CCDC191: variants seen among roughly 807,000 people sequenced by gnomAD.
CCDC191 encodes the protein coiled-coil domain-containing protein 191.
Under a neutral mutation model 114.0 loss-of-function variants are expected in CCDC191, and 99 were observed. The ratio of observed to expected loss-of-function variants is 0.87; its 90% CI spans 0.74 to 1.03. The LOEUF is 1.03. Among genes scored for constraint, CCDC191 ranks in the 50% least tolerant of loss-of-function variants. CCDC191 has a pLI of 0.00. For synonymous variants in CCDC191, 351 were observed against 376.0 expected, an observed-to-expected ratio of 0.93 and a Z score of 0.77; for missense variants, 973 against 1,087.0, an observed-to-expected ratio of 0.90 and a Z score of 1.47.
chr3:113,984,514 T>C (rs1303548144), intron 13 of CCDC191: 1 of 152,174 alleles, frequency 6.6e-6, no homozygotes, highest in Non-Finnish European at 1.5e-5. Context: ...CAGAACTTGA[T>C]GGGTAAAAAG....
chr3:114,003,396 G>C, intron 11 of CCDC191: 1 of 985,176 alleles, frequency 1.0e-6, no homozygotes, highest in Non-Finnish European at 1.2e-6. Flanking sequence ...ATTTCTTACA[G>C]TTATTAAGTG....
intron 7 of CCDC191, among the ~76,000 whole-genome samples, chr3:114,026,745 T>C (rs1210101349): frequency 2.6e-5 from 4 of 152,200 alleles, no homozygotes; most frequent in South Asian, 2.1e-4. Context: ...TAGTTTGAGG[T>C]GGACTTTTGG....
chr3:113,973,041 C>G (rs1052927681), intron 16 of CCDC191, among the ~76,000 whole-genome samples: 1 of 151,988 alleles, frequency 6.6e-6, no homozygotes, highest in Non-Finnish European at 1.5e-5. Flanking sequence ...AGAACTGAGT[C>G]CATTTATATT....
chr3:114,036,484 C>T, intron 5 of CCDC191, 124 bp downstream of exon 5: 1 of 575,968 alleles, frequency 1.7e-6, no homozygotes, highest in South Asian at 5.5e-5. Context: ...TTTTATTCTC[C>T]CTAACCAAAC....
intron 13 of CCDC191, among the ~76,000 whole-genome samples, chr3:113,988,303 G>T (rs1228454657): frequency 6.6e-6 from 1 of 151,792 alleles, no homozygotes; most frequent in African/African-American, 2.4e-5. Context: ...AGACCAGCCT[G>T]GTCAAGATGG....
At chr3:113,966,759 TA>T (rs1051997737) in intron 16 of CCDC191, among the ~76,000 whole-genome samples, 1 of 152,082 alleles carries the variant, frequency 6.6e-6, no homozygotes, top group Admixed American at 6.6e-5. Flanking sequence ...GGCTGTTGGT[TA>T]ATATTTTTGA....
intron 2 of CCDC191, among the ~76,000 whole-genome samples, chr3:114,052,359 C>T (rs983018111): frequency 6.6e-6 from 1 of 152,114 alleles, no homozygotes; most frequent in Non-Finnish European, 1.5e-5. Flanking sequence ...AAATCTTTGC[C>T]TCTGAAGAGA....
intron 8 of CCDC191, 147 bp from the exon 9 acceptor site, chr3:114,011,168 G>C (rs1190690407): frequency 4.3e-6 from 4 of 919,662 alleles, no homozygotes; most frequent in Non-Finnish European, 6.4e-6. Flanking sequence ...AAATGAAATT[G>C]CTTTATAAAT....
At chr3:114,002,857 C>A in intron 11 of CCDC191, 1 of 975,978 alleles carries the variant, frequency 1.0e-6, no homozygotes, top group Non-Finnish European at 1.2e-6. Flanking sequence ...ACCCAGAAAC[C>A]AGAATTCTAA....
chr3:113,966,220 T>C (rs769981472), intron 16 of CCDC191, among the ~76,000 whole-genome samples: 17 of 152,196 alleles, frequency 1.1e-4, no homozygotes, highest in Non-Finnish European at 2.9e-5. Flanking sequence ...CAGTCTTGAA[T>C]ATCAGTTGAG....
intron 16 of CCDC191, among the ~76,000 whole-genome samples, chr3:113,969,513 T>C (rs966709496): frequency 6.6e-6 from 1 of 152,158 alleles, no homozygotes; most frequent in African/African-American, 2.4e-5. Flanking sequence ...CCCATTTGGA[T>C]TTGATTTTTG....
chr3:114,040,598 G>GTA (rs1336838768), intron 4 of CCDC191, among the ~76,000 whole-genome samples: 1 of 152,006 alleles, frequency 6.6e-6, no homozygotes, highest in Non-Finnish European at 1.5e-5. Context: ...TATTAACATA[G>GTA]TAACTGTAGC....
At chr3:114,054,086 G>C (rs907742124) in intron 1 of CCDC191, 20 of 152,590 alleles carry the variant, frequency 1.3e-4, no homozygotes, top group African/African-American at 4.6e-4. Flanking sequence ...CCTGTAGCAA[G>C]AGGCTTTCTC....
chr3:114,036,557 A>T (rs769215104), intron 5 of CCDC191, 51 bp downstream of exon 5: 4 of 1,340,820 alleles, frequency 3.0e-6, no homozygotes, highest in Non-Finnish European at 4.1e-6. Flanking sequence ...TAAATGTGTT[A>T]CACAAAGACT....
chr3:114,053,531 T>G, intron 2 of CCDC191, 66 bp downstream of exon 2: 1 of 935,986 alleles, frequency 1.1e-6, no homozygotes, highest in South Asian at 1.6e-5. Flanking sequence ...CTATTCATAT[T>G]TCTTTTCCAT....
chr3:114,005,590 C>T lies in CCDC191; in HGVS notation c.1786G>A (p.Ala596Thr), dbSNP rs372934728. 3.1e-6 allele frequency: 5 copies of T among 1,614,040 alleles called. No homozygotes were observed. The highest frequency in any genetic ancestry group is 2.7e-5 in the African/African-American group (2 of 74,938). The change falls in exon 10 of 17, where the codon GCC becomes ACC. Residue 596 changes from alanine (A) to threonine (T), a missense_variant. By Grantham distance (58) the Ala-to-Thr change is moderately conservative (BLOSUM62 0). Transcript: ENST00000295878. ...LAEAQWAAEH[A>T]LAVTEAQSHL... Reference sequence around the variant, plus strand: ...CTCTGTGCTTCTGTGACTGCTAAGGCATGCTCTGCTGCCCACTGAGCCTCT... The same window carrying T: ...CTCTGTGCTTCTGTGACTGCTAAGGTATGCTCTGCTGCCCACTGAGCCTCT...
intron 16 of CCDC191, among the ~76,000 whole-genome samples, chr3:113,971,721 T>C (rs548029544): frequency 6.7e-6 from 1 of 149,944 alleles, no homozygotes. Context: ...TCCTCTTCAG[T>C]TTTTTTTTGA....
chr3:114,027,676 A>C (rs1295957214), intron 7 of CCDC191, among the ~76,000 whole-genome samples: 1 of 152,134 alleles, frequency 6.6e-6, no homozygotes, highest in East Asian at 1.9e-4. Flanking sequence ...AAAGGAACCT[A>C]AACTATAGCA....
At position 113,965,376 on chromosome 3, in the gene CCDC191, G is replaced by A. The variant is rs1293184126; in HGVS notation, c.2607-17C>T. 4.0e-6 allele frequency: 6 copies of A among 1,493,022 alleles called. No individual in the cohort carries two copies. Among genetic ancestry groups the A allele is most frequent in the Non-Finnish European group, 4.5e-6 (5 of 1,110,234 alleles). The allele number at this position is 1,493,022 out of a possible 1,614,324, so 92.5% of individuals were successfully genotyped here. A position where few individuals can be genotyped will look rare whatever the true frequency, so the allele number is the denominator to read the frequency against. On this transcript the variant is annotated splice_polypyrimidine_tract_variant and intron_variant, in intron 16 of 16. Coordinates refer to ENST00000295878, the MANE Select transcript of CCDC191 (RefSeq NM_020817.2). The stretch of plus-strand genomic sequence containing the variant: ...AGGATCCTCCTTTAAGAATAAAGAA[G>A]GAAAAAAGTGAAATGTTGAGAAAAA...
Sources: allele counts gnomAD v4.1 joint callset (sites outside exome capture counted in the v4.1 genomes callset), GRCh38; gene constraint gnomAD v4.1.1; transcripts MANE v1.5; gene names NCBI Gene and HGNC (gene_info 2026-07-23, HGNC 2026-07-21).